The following SOX5 variants were observed in gnomAD, a reference collection of about 807,000 sequenced individuals.
SOX5 encodes transcription factor SOX-5.
In SOX5, 9 loss-of-function variants were observed where a neutral mutation model predicts 92.0. That is an observed-to-expected ratio of 0.10 (90% CI 0.06 to 0.17). The LOEUF (loss-of-function observed/expected upper bound fraction) is 0.17, where lower values mean the gene tolerates loss of function less well. SOX5 is among the 10% of genes least tolerant of loss of function. The pLI is 1.00. For synonymous variants in SOX5, 344 were observed against 336.3 expected, an observed-to-expected ratio of 1.02 and a Z score of -0.25; for missense variants, 642 against 944.5, an observed-to-expected ratio of 0.68 and a Z score of 4.20.
chr12:23,625,541 C>T (rs1486759263), intron 8 of SOX5, among the ~76,000 whole-genome samples: 1 of 152,146 alleles, frequency 6.6e-6, no homozygotes, highest in Non-Finnish European at 1.5e-5. Flanking sequence ...TCCCCAATTC[C>T]AGCTCTTGAC....
chr12:24,067,800 G>C (rs1197556729), intron 4 of SOX5, among the ~76,000 whole-genome samples: 1 of 152,148 alleles, frequency 6.6e-6, no homozygotes, highest in Non-Finnish European at 1.5e-5. Context: ...AAAACAAGAA[G>C]GTGAAACTAA....
At chr12:23,596,672 G>A (rs1311379185) in intron 9 of SOX5, among the ~76,000 whole-genome samples, 1 of 152,122 alleles carries the variant, frequency 6.6e-6, no homozygotes, top group Non-Finnish European at 1.5e-5. Context: ...TTTAAAGTAT[G>A]CTTTAGGAAG....
intron 1 of SOX5, among the ~76,000 whole-genome samples, chr12:24,507,803 G>T (rs191100924): frequency 1.1e-3 from 168 of 152,088 alleles, no homozygotes; most frequent in African/African-American, 3.8e-3. Flanking sequence ...TAAAGGAGAG[G>T]ATGATAAATG....
At chr12:23,793,461 CT>C (rs1231667520) in intron 3 of SOX5, among the ~76,000 whole-genome samples, 8 of 152,194 alleles carry the variant, frequency 5.3e-5, no homozygotes, top group Non-Finnish European at 8.8e-5. Context: ...TAAAGAGTAA[CT>C]TTTCAGCACA....
At chr12:23,867,184 C>T (rs1039663986) in intron 2 of SOX5, among the ~76,000 whole-genome samples, 1 of 152,248 alleles carries the variant, frequency 6.6e-6, no homozygotes, top group Middle Eastern at 3.4e-3. Context: ...AGGTAAGTCT[C>T]ACATTTCCAT....
At chr12:24,331,936 G>A (rs1301419035) in intron 2 of SOX5, among the ~76,000 whole-genome samples, 2 of 148,864 alleles carry the variant, frequency 1.3e-5, no homozygotes, top group African/African-American at 2.5e-5. Flanking sequence ...AAAGTAAAAG[G>A]TGTGAATGTT....
At chr12:24,538,047 G>A (rs1396419082) in intron 1 of SOX5, among the ~76,000 whole-genome samples, 1 of 152,110 alleles carries the variant, frequency 6.6e-6, no homozygotes, top group Non-Finnish European at 1.5e-5. Flanking sequence ...TCCTCCGATG[G>A]AACATTAACG....
At chr12:24,007,055 C>T (rs951014652) in intron 4 of SOX5, among the ~76,000 whole-genome samples, 4 of 148,480 alleles carry the variant, frequency 2.7e-5, no homozygotes, top group African/African-American at 1.0e-4. Context: ...ACCACTTGAA[C>T]CCAGGAGGTG....
intron 4 of SOX5, among the ~76,000 whole-genome samples, chr12:24,041,539 C>T (rs966277315): frequency 1.3e-5 from 2 of 152,124 alleles, no homozygotes; most frequent in African/African-American, 4.8e-5. Flanking sequence ...AACTACATTG[C>T]TTAAAGTCCT....
At chr12:23,770,546 A>AG (rs1415929565) in intron 3 of SOX5, among the ~76,000 whole-genome samples, 2 of 126,012 alleles carry the variant, frequency 1.6e-5, no homozygotes, top group African/African-American at 5.4e-5. Context: ...TTCTTTTTTC[A>AG]GATTTTTTTT....
intron 4 of SOX5, among the ~76,000 whole-genome samples, chr12:24,014,295 C>T (rs1405644298): frequency 2.0e-5 from 3 of 152,116 alleles, no homozygotes; most frequent in Non-Finnish European, 2.9e-5. Context: ...TCCTGGATAA[C>T]TACTCATTAT....
intron 11 of SOX5, 57 bp from the exon 12 acceptor site, chr12:23,546,481 T>A: frequency 9.9e-7 from 1 of 1,008,284 alleles, no homozygotes; most frequent in South Asian, 1.4e-5. Context: ...TTGAAGACTT[T>A]CTTTTTTTGG....
intron 4 of SOX5, among the ~76,000 whole-genome samples, chr12:24,182,981 TG>T (rs1247437374): frequency 6.6e-6 from 1 of 152,204 alleles, no homozygotes; most frequent in Non-Finnish European, 1.5e-5. Context: ...CCCAAAGTGC[TG>T]GGATTACAAG....
intron 2 of SOX5, among the ~76,000 whole-genome samples, chr12:24,291,972 C>T (rs1189389913): frequency 6.6e-6 from 1 of 152,212 alleles, no homozygotes; most frequent in Non-Finnish European, 1.5e-5. Flanking sequence ...CAATAACATA[C>T]AGTTACATAA....
chr12:23,576,521 T>C (rs1469105119), intron 9 of SOX5, among the ~76,000 whole-genome samples: 1 of 152,174 alleles, frequency 6.6e-6, no homozygotes, highest in East Asian at 1.9e-4. Context: ...AAAATCCAGA[T>C]GTGTTTTCTA....
At chr12:23,802,787 G>T (rs898632483) in intron 3 of SOX5, among the ~76,000 whole-genome samples, 1 of 152,048 alleles carries the variant, frequency 6.6e-6, no homozygotes, top group African/African-American at 2.4e-5. Context: ...TACCCCATAC[G>T]TAATTATCTT....
chr12:23,746,283 C>G (rs2093981810), intron 4 of SOX5, among the ~76,000 whole-genome samples: 1 of 152,124 alleles, frequency 6.6e-6, no homozygotes, highest in Admixed American at 6.6e-5. Context: ...TAACTAGATC[C>G]TTGGAGTACT....
chr12:24,144,027 A>C (rs1234762750), intron 4 of SOX5, among the ~76,000 whole-genome samples: 1 of 152,114 alleles, frequency 6.6e-6, no homozygotes, highest in East Asian at 1.9e-4. Flanking sequence ...ATAGCAAGTC[A>C]CCTCAAAATC....
At chr12:24,307,794 G>GGAAGGAAGGAAGGAA (rs1948766559) in intron 2 of SOX5, among the ~76,000 whole-genome samples, 1 of 108,154 alleles carries the variant, frequency 9.2e-6, no homozygotes, top group African/African-American at 3.9e-5. Flanking sequence ...GAAGGAAGGA[G>GGAAGGAAGGAAGGAA]GGAGGGAAGG....
Sources: gnomAD v4.1 joint callset for allele counts (sites outside exome capture counted in the v4.1 genomes callset) on GRCh38, gnomAD v4.1.1 for gene constraint, MANE v1.5 for transcripts, NCBI Gene and HGNC (gene_info 2026-07-23, HGNC 2026-07-21) for gene names.